Variants in NUP153 observed in about 807,000 individuals in gnomAD.
NUP153 encodes nucleoporin 153, also known as nuclear pore complex protein Nup153.
A neutral mutation model predicts 134.6 loss-of-function variants in NUP153; 27 were observed. That is an observed-to-expected ratio of 0.20 (90% confidence interval 0.15 to 0.28). The LOEUF is 0.28. NUP153 is among the 10% of genes least tolerant of loss of function. NUP153 has a pLI of 1.00. For missense variants in NUP153, 1,821 were observed against 1,731.3 expected (o/e 1.05, Z -0.92); for synonymous variants, 640 against 623.5 (o/e 1.03, Z -0.40).
At chr6:17,650,455 A>C (rs1033068634) in intron 11 of NUP153, among the ~76,000 whole-genome samples, 1 of 152,214 alleles carries the variant, frequency 6.6e-6, no homozygotes, top group African/African-American at 2.4e-5. Context: ...CAAGCTGCCA[A>C]AGAAAACTAA....
rs562375106 is a variant in NUP153 at position 17,649,012 on chromosome 6, T to A, written c.1533+151A>T. On this transcript the variant is annotated intron_variant, in intron 12 of 21. Coordinates refer to ENST00000262077, the MANE Select transcript of NUP153 (RefSeq NM_005124.4). ...TATCCAAGATATTTGTACATTTTTT[T>A]AAAAAAGCAAAACAGCATTTCCATT... 2.7e-4 allele frequency: 197 copies of A among 722,938 alleles called. 1 individual carries two copies. The highest frequency in any genetic ancestry group is 2.7e-3 in the African/African-American group (150 of 55,068). The allele number at this position is 722,938 out of a possible 1,614,324, so 44.8% of individuals were successfully genotyped here. A position where few individuals can be genotyped will look rare whatever the true frequency, so the allele number is the denominator to read the frequency against.
At chr6:17,673,081 ACTT>A (rs1768010434) in intron 5 of NUP153, among the ~76,000 whole-genome samples, 1 of 152,026 alleles carries the variant, frequency 6.6e-6, no homozygotes, top group South Asian at 2.1e-4. Context: ...CAAAAGTAAA[ACTT>A]CTGGCTGGGC....
At chr6:17,679,355 C>G (rs1768434021) in intron 2 of NUP153, among the ~76,000 whole-genome samples, 2 of 152,146 alleles carry the variant, frequency 1.3e-5, no homozygotes, top group African/African-American at 4.8e-5. Flanking sequence ...AACTACAAAA[C>G]AGTACCGAAA....
intron 1 of NUP153, among the ~76,000 whole-genome samples, chr6:17,693,896 G>A (rs1195767057): frequency 6.6e-6 from 1 of 152,068 alleles, no homozygotes; most frequent in Non-Finnish European, 1.5e-5. Context: ...CCACCACCGC[G>A]CCTGGCCTAA....
At chr6:17,656,429 T>G (rs983840808) in intron 11 of NUP153, among the ~76,000 whole-genome samples, 2 of 150,250 alleles carry the variant, frequency 1.3e-5, no homozygotes, top group South Asian at 2.1e-4. Flanking sequence ...TGAAGAGGAG[T>G]TTTTTTTATT....
At chr6:17,694,443 G>A (rs1769501089) in intron 1 of NUP153, among the ~76,000 whole-genome samples, 1 of 152,146 alleles carries the variant, frequency 6.6e-6, no homozygotes, top group Non-Finnish European at 1.5e-5. Context: ...CGGATTACCT[G>A]AGGTCAAGAG....
Position 17,669,529 on chromosome 6 carries a change from T to C in NUP153, c.870A>G (p.Gln290=), listed in dbSNP as rs1293979499. The C allele has an allele frequency of 6.2e-6, 10 of 1,612,970 alleles. No homozygotes were observed. The highest frequency in any genetic ancestry group is 8.5e-6 in the Non-Finnish European group (10 of 1,178,932). Residue 290 remains glutamine (Q), a synonymous_variant, in exon 6 of 22, where the codon CAA becomes CAG. Transcript: ENST00000262077. ...GTGCACTGAGTTGCTTAGCTTTCAT[T>C]TGTCTTCTAACTGGTGCCTGTAAAG... ...NTPYQAPVRR[Q]MKAKQLSAQS...
intron 12 of NUP153, among the ~76,000 whole-genome samples, chr6:17,648,930 CA>C: frequency 1.3e-5 from 2 of 152,262 alleles, no homozygotes; most frequent in Middle Eastern, 6.8e-3. Flanking sequence ...AACAAATTTA[CA>C]AGAATATCCT....
chr6:17,676,921 G>A (rs765474007), intron 2 of NUP153, among the ~76,000 whole-genome samples: 3 of 152,148 alleles, frequency 2.0e-5, no homozygotes, highest in Non-Finnish European at 4.4e-5. Context: ...TAAGCCTTAC[G>A]CAGCAGCTGC....
chr6:17,694,545 T>G (rs1033557160), intron 1 of NUP153, among the ~76,000 whole-genome samples: 75 of 151,744 alleles, frequency 4.9e-4, no homozygotes, highest in African/African-American at 1.7e-3. Flanking sequence ...TAATCCTAGC[T>G]ACTCAGGAGG....
Position 17,680,073 on chromosome 6 carries a change from T to A in NUP153, c.335-4303A>T, listed in dbSNP as rs7745148. ...CCTGCGCTTTGCCTAATAAAAAAAA[T>A]TCCTACTGGCTTTTTCCGGGAAGCC... is the stretch of plus-strand genomic sequence containing the variant. On this transcript the variant is annotated intron_variant, in intron 2 of 21. Transcript: ENST00000262077. The surrounding 1 kb of genome is among the most constrained non-coding windows in gnomAD (Gnocchi z 4.5). Among the ~76,000 whole-genome samples the A allele has an allele frequency of 2.6e-3, 396 of 152,244 alleles. No homozygotes were observed. The highest frequency in any genetic ancestry group is 9.2e-3 in the African/African-American group (381 of 41,554).
At chr6:17,645,747 T>A (rs891426259) in intron 14 of NUP153, among the ~76,000 whole-genome samples, 17 of 152,194 alleles carry the variant, frequency 1.1e-4, no homozygotes, top group African/African-American at 4.1e-4. Context: ...AGACAACCTA[T>A]AAATTTCTTA....
At chr6:17,698,655 G>A (rs375419681) in intron 1 of NUP153, among the ~76,000 whole-genome samples, 3 of 150,984 alleles carry the variant, frequency 2.0e-5, no homozygotes, top group Non-Finnish European at 2.9e-5. Context: ...GGAGAATGGC[G>A]TGAACCCGGG....
At chr6:17,698,023 T>C (rs1031580768) in intron 1 of NUP153, among the ~76,000 whole-genome samples, 22 of 152,218 alleles carry the variant, frequency 1.4e-4, no homozygotes, top group African/African-American at 5.1e-4. Context: ...TTCTTCACAT[T>C]ATCCTTAGCA....
chr6:17,626,346 C>A (rs1282828347), intron 18 of NUP153, among the ~76,000 whole-genome samples, 182 bp from the exon 19 acceptor site: 2 of 152,170 alleles, frequency 1.3e-5, no homozygotes, highest in East Asian at 3.8e-4. Context: ...AAGTCAAATA[C>A]ATTCATCTTC....
rs751025482 is a variant in NUP153, at chr6:17,675,400, A to C, written c.584-32T>G. ...CAAAATTACATAATCCATAGTAATA[A>C]CACCAATACAAGAGCCTAGATTTTT... On this transcript the variant is annotated intron_variant, in intron 3 of 21. Coordinates refer to ENST00000262077, the MANE Select transcript of NUP153 (RefSeq NM_005124.4). This position sits in a 1 kb window ranked among gnomAD's most constrained non-coding sequence, Gnocchi z 4.4. 1 of 1,600,794 alleles carries C rather than the reference A, an allele frequency of 6.2e-7. No individual in the cohort carries two copies. Among genetic ancestry groups the C allele is most frequent in the South Asian group, 1.1e-5 (1 of 88,454 alleles).
At chr6:17,684,131 C>T (rs1272412014) in intron 2 of NUP153, among the ~76,000 whole-genome samples, 1 of 152,188 alleles carries the variant, frequency 6.6e-6, no homozygotes, top group Non-Finnish European at 1.5e-5. Flanking sequence ...AAAAGCCAAG[C>T]AGATGCTGGT....
intron 8 of NUP153, among the ~76,000 whole-genome samples, chr6:17,666,637 GT>G (rs2113822921): frequency 6.6e-6 from 1 of 152,278 alleles, no homozygotes; most frequent in South Asian, 2.1e-4. Context: ...ATCTTACAAT[GT>G]AAGTCTAAAT....
At chr6:17,634,439 A>G (rs955872593) in intron 16 of NUP153, among the ~76,000 whole-genome samples, 10 of 142,810 alleles carry the variant, frequency 7.0e-5, no homozygotes, top group Non-Finnish European at 1.6e-4. Flanking sequence ...GGCCTTACAT[A>G]CATTTTTTTT....
Sources: gnomAD v4.1 joint callset for allele counts (sites outside exome capture counted in the v4.1 genomes callset) on GRCh38, gnomAD v4.1.1 for gene constraint, Gnocchi (gnomAD v3.1) non-coding constraint, MANE v1.5 for transcripts, NCBI Gene and HGNC (gene_info 2026-07-23, HGNC 2026-07-21) for gene names.